Variants in GRK3 observed in about 807,000 individuals in gnomAD.
The protein encoded by GRK3 is adrenergic, beta, receptor kinase 2.
In GRK3, 54 loss-of-function variants were observed where a neutral mutation model predicts 95.7. That is an observed-to-expected ratio of 0.56 (90% CI 0.45 to 0.71). The LOEUF is 0.71. Among genes scored for constraint, GRK3 ranks in the 30% least tolerant of loss-of-function variants. The pLI is 0.00. For missense variants in GRK3, 649 were observed against 851.2 expected (o/e 0.76, Z 2.96); for synonymous variants, 281 against 290.8 (o/e 0.97, Z 0.34).
intron 1 of GRK3, among the ~76,000 whole-genome samples, chr22:25,584,952 C>T (rs1932243333): frequency 6.6e-6 from 1 of 152,288 alleles, no homozygotes; most frequent in Admixed American, 6.5e-5. Flanking sequence ...AGACCATTTA[C>T]ATCAGACTCT....
chr22:25,647,020 C>CAAAAA (rs1025786169), intron 3 of GRK3, among the ~76,000 whole-genome samples: 18 of 53,934 alleles, frequency 3.3e-4, no homozygotes, highest in African/African-American at 5.8e-4. Context: ...GACTTTGTCT[C>CAAAAA]AAAAAAAAAA....
chr22:25,705,640 G>T (rs1018697969), intron 15 of GRK3, among the ~76,000 whole-genome samples: 2 of 151,952 alleles, frequency 1.3e-5, no homozygotes, highest in African/African-American at 4.8e-5. Context: ...AAAAGAATAT[G>T]ATAGTTGTGG....
chr22:25,715,481 C>T (rs968002493), intron 18 of GRK3, among the ~76,000 whole-genome samples: 2 of 152,020 alleles, frequency 1.3e-5, no homozygotes, highest in African/African-American at 4.8e-5. Context: ...TGCACTCTAG[C>T]CTGGGTGACA....
chr22:25,663,888 T>C (rs1044071291), intron 5 of GRK3, among the ~76,000 whole-genome samples, 184 bp downstream of exon 5: 4 of 152,254 alleles, frequency 2.6e-5, no homozygotes, highest in Non-Finnish European at 5.9e-5. Context: ...AAAGTGTCCT[T>C]CTACCAACGT....
At position 25,600,147 on chromosome 22, in the gene GRK3, G is replaced by GT. The variant is rs797013361; in HGVS notation, c.114-4213dup. On this transcript the variant is annotated intron_variant, in intron 1 of 20. Coordinates refer to ENST00000324198, the MANE Select transcript of GRK3 (RefSeq NM_005160.4). ...ACAGTCAGCTGTCCATATCTGCAGG[G>GT]TTTTTTTTTTTTTTTTTGAGATGGA... 6.9e-3 allele frequency among the ~76,000 whole-genome samples: 947 copies of GT among 137,022 alleles called. 4 individuals are homozygous for GT. The highest frequency in any genetic ancestry group is 0.016 in the African/African-American group (590 of 37,432). The allele number at this position is 137,022 out of a possible 152,430, so 89.9% of individuals were successfully genotyped here.
At chr22:25,652,064 A>T (rs932410378) in intron 3 of GRK3, among the ~76,000 whole-genome samples, 5 of 152,234 alleles carry the variant, frequency 3.3e-5, no homozygotes, top group Non-Finnish European at 7.3e-5. Context: ...ATATAGTTAG[A>T]CAAACAAAAA....
chr22:25,588,598 C>T (rs113512575), intron 1 of GRK3, among the ~76,000 whole-genome samples: 5 of 152,068 alleles, frequency 3.3e-5, no homozygotes, highest in Admixed American at 6.5e-5. Context: ...CTCTGTTTTG[C>T]GTGCTTGATG....
At chr22:25,635,075 T>G (rs555838165) in intron 2 of GRK3, among the ~76,000 whole-genome samples, 30 of 152,242 alleles carry the variant, frequency 2.0e-4, no homozygotes, top group Non-Finnish European at 3.5e-4. Flanking sequence ...GCTTTGAATG[T>G]GGCCCCACAT....
At chr22:25,623,647 C>A (rs773528756) in intron 2 of GRK3, among the ~76,000 whole-genome samples, 3 of 152,244 alleles carry the variant, frequency 2.0e-5, no homozygotes, top group African/African-American at 4.8e-5. Flanking sequence ...TATTCATGCA[C>A]ACGCACATAT....
chr22:25,666,153 C>A (rs1601512184), intron 5 of GRK3, among the ~76,000 whole-genome samples: 1 of 152,204 alleles, frequency 6.6e-6, no homozygotes, highest in African/African-American at 2.4e-5. Context: ...TGAAAAGTGG[C>A]AGCATGGTAG....
intron 2 of GRK3, among the ~76,000 whole-genome samples, chr22:25,640,562 G>C (rs1046949745): frequency 7.9e-5 from 12 of 152,178 alleles, no homozygotes; most frequent in Admixed American, 4.6e-4. Context: ...TAATCTCCTT[G>C]GCAAAACTGA....
At chr22:25,670,237 T>TA (rs1331353334) in intron 6 of GRK3, among the ~76,000 whole-genome samples, 1 of 152,196 alleles carries the variant, frequency 6.6e-6, no homozygotes, top group Non-Finnish European at 1.5e-5. Flanking sequence ...CTCGCCCCTG[T>TA]AATCCCAGCA....
At chr22:25,664,419 T>C (rs1456189933) in intron 5 of GRK3, among the ~76,000 whole-genome samples, 3 of 152,156 alleles carry the variant, frequency 2.0e-5, no homozygotes, top group East Asian at 1.9e-4. Flanking sequence ...GGAAAGAATG[T>C]CATTGAGTAA....
At chr22:25,582,482 C>G (rs1932134700) in intron 1 of GRK3, among the ~76,000 whole-genome samples, 1 of 152,008 alleles carries the variant, frequency 6.6e-6, no homozygotes, top group Admixed American at 6.5e-5. Flanking sequence ...AATTCAAGAC[C>G]AAAATTCAAA....
chr22:25,652,475 G>T (rs1385325339), intron 3 of GRK3, among the ~76,000 whole-genome samples: 1 of 152,138 alleles, frequency 6.6e-6, no homozygotes, highest in Non-Finnish European at 1.5e-5. Flanking sequence ...CAATAATGTC[G>T]TGTTTCTCGA....
rs771664171 is a variant in GRK3 at position 25,674,487 on chromosome 22, C to T, written c.606C>T (p.Phe202=). Residue 202 remains phenylalanine (F), a synonymous_variant, in exon 8 of 21, where the codon TTC becomes TTT. Coordinates refer to ENST00000324198, the MANE Select transcript of GRK3 (RefSeq NM_005160.4). ...SVHRIIGRGG[F]GEVYGCRKAD... is the part of the protein sequence containing the mutation. ...ATAGGATTATTGGACGAGGAGGATTCGGGGAAGTTTATGGTTGCAGGAAAG... is the reference window on the plus strand; with the variant it reads ...ATAGGATTATTGGACGAGGAGGATTTGGGGAAGTTTATGGTTGCAGGAAAG... 26 of 1,613,846 alleles carry T rather than the reference C, an allele frequency of 1.6e-5. No individual in the cohort carries two copies. In the Admixed American group the frequency reaches 2.0e-4, roughly 12 times the overall value.
intron 3 of GRK3, among the ~76,000 whole-genome samples, chr22:25,647,020 CAAAAAAAAA>C (rs1025786169): frequency 2.0e-4 from 11 of 54,010 alleles, no homozygotes; most frequent in Non-Finnish European, 2.7e-4. Flanking sequence ...GACTTTGTCT[CAAAAAAAAA>C]AAAAAAAAAA....
chr22:25,661,628 G>T lies in GRK3; in HGVS notation c.317G>T (p.Arg106Leu). ...DNEEDRLCRS[R>L]QIYDAYIMKE... ...GAGGAAGACCGCCTTTGCAGAAGTC[G>T]ACAAATTTATGATGCCTACATCATG... is the stretch of plus-strand genomic sequence containing the variant. Residue 106 changes from arginine (R) to leucine (L), a missense_variant, in exon 4 of 21, where the codon CGA (arginine) becomes CTA (leucine). Transcript: ENST00000324198. The T allele has an allele frequency of 1.2e-6, 2 of 1,613,220 alleles. No individual in the cohort carries two copies. Among genetic ancestry groups the T allele is most frequent in the African/African-American group, 2.7e-5 (2 of 74,996 alleles).
At chr22:25,717,786 T>A (rs1438241160) in intron 18 of GRK3, among the ~76,000 whole-genome samples, 1 of 152,190 alleles carries the variant, frequency 6.6e-6, no homozygotes, top group Non-Finnish European at 1.5e-5. Context: ...TTGATCCTTA[T>A]GTTACCTTAA....
Sources: gnomAD v4.1 joint callset for allele counts (sites outside exome capture counted in the v4.1 genomes callset) on GRCh38, gnomAD v4.1.1 for gene constraint, MANE v1.5 for transcripts, NCBI Gene and HGNC (gene_info 2026-07-23, HGNC 2026-07-21) for gene names.